SLC24A2: variants seen among roughly 807,000 people sequenced by gnomAD.
SLC24A2 encodes solute carrier family 24 member 2, also known as sodium/potassium/calcium exchanger 2.
Under a neutral mutation model 62.0 loss-of-function variants are expected in SLC24A2, and 36 were observed. The observed-to-expected ratio is 0.58, with a 90% confidence interval of 0.44 to 0.77. The LOEUF (loss-of-function observed/expected upper bound fraction) is 0.77, where lower values mean the gene tolerates loss of function less well. Ranked by LOEUF, SLC24A2 falls within the 30% of genes least tolerant of loss-of-function variation. SLC24A2 has a pLI of 0.00. For missense variants in SLC24A2, 846 were observed against 817.9 expected (o/e 1.03, Z -0.42); for synonymous variants, 358 against 294.0 (o/e 1.22, Z -2.23).
At chr9:19,639,069 T>C (rs915977320) in intron 2 of SLC24A2, among the ~76,000 whole-genome samples, 10 of 152,174 alleles carry the variant, frequency 6.6e-5, no homozygotes, top group Admixed American at 4.6e-4. Flanking sequence ...AATTTCTCCA[T>C]GGTCTTATCA....
the SLC24A2 span, among the ~76,000 whole-genome samples, chr9:19,989,056 A>G: frequency 6.6e-6 from 1 of 152,204 alleles, no homozygotes; most frequent in African/African-American, 2.4e-5. Flanking sequence ...GCATACCAAC[A>G]TTGTAAAAAT....
the SLC24A2 span, among the ~76,000 whole-genome samples, chr9:19,873,536 C>CTTTCTTTCTTTCTTTATT: frequency 5.8e-5 from 8 of 137,126 alleles, no homozygotes; most frequent in Non-Finnish European, 9.2e-5. Flanking sequence ...TCCTTTCTTT[C>CTTTCTTTCTTTCTTTATT]TCTTTCTTTC....
the SLC24A2 span, among the ~76,000 whole-genome samples, chr9:20,002,832 G>A: frequency 3.9e-5 from 6 of 152,316 alleles, no homozygotes; most frequent in African/African-American, 7.2e-5. Flanking sequence ...AGCAGGGCTG[G>A]CTGTATTCCA....
At chr9:19,965,447 T>C in the SLC24A2 span, among the ~76,000 whole-genome samples, 1 of 152,188 alleles carries the variant, frequency 6.6e-6, no homozygotes. Context: ...AATGTTTTAA[T>C]ATTTCAACAA....
At chr9:19,576,369 A>C (rs925875128) in intron 6 of SLC24A2, among the ~76,000 whole-genome samples, 1 of 152,216 alleles carries the variant, frequency 6.6e-6, no homozygotes, top group African/African-American at 2.4e-5. Flanking sequence ...GCTCTGCAAA[A>C]GTCAGTGGAA....
chr9:20,290,643 T>C, the SLC24A2 span, among the ~76,000 whole-genome samples: 1 of 152,238 alleles, frequency 6.6e-6, no homozygotes, highest in African/African-American at 2.4e-5. Context: ...AGGTTTTTGC[T>C]GCAGGGTGAG....
chr9:20,106,467 G>A, the SLC24A2 span, among the ~76,000 whole-genome samples: 12 of 152,240 alleles, frequency 7.9e-5, no homozygotes, highest in African/African-American at 1.9e-4. Flanking sequence ...CTGGCAAACC[G>A]AATCCAGCAG....
the SLC24A2 span, among the ~76,000 whole-genome samples, chr9:19,964,980 T>C: frequency 6.6e-6 from 1 of 152,062 alleles, no homozygotes; most frequent in Non-Finnish European, 1.5e-5. Flanking sequence ...GTCTTCCCCA[T>C]GGAGTTCAAG....
At chr9:19,709,069 A>G (rs1820628214) in intron 2 of SLC24A2, among the ~76,000 whole-genome samples, 1 of 152,226 alleles carries the variant, frequency 6.6e-6, no homozygotes, top group Non-Finnish European at 1.5e-5. Flanking sequence ...GAAAAAAACA[A>G]ACAACCCATC....
the SLC24A2 span, among the ~76,000 whole-genome samples, chr9:19,948,456 A>T: frequency 1.3e-5 from 2 of 152,252 alleles, no homozygotes; most frequent in African/African-American, 2.4e-5. Flanking sequence ...GTTAGAGAAA[A>T]ACGAAAATTT....
At chr9:19,907,668 C>T in the SLC24A2 span, among the ~76,000 whole-genome samples, 201 of 152,276 alleles carry the variant, frequency 1.3e-3, 5 homozygotes, top group Non-Finnish European at 1.1e-3. Context: ...TCAAAAATCA[C>T]AAGCATTCGT....
At chr9:19,719,033 G>C (rs1820947890) in intron 2 of SLC24A2, among the ~76,000 whole-genome samples, 1 of 152,156 alleles carries the variant, frequency 6.6e-6, no homozygotes, top group African/African-American at 2.4e-5. Context: ...TTTGTAAAAG[G>C]AGTCTCAGTC....
the SLC24A2 span, among the ~76,000 whole-genome samples, chr9:20,041,049 C>T: frequency 1.3e-5 from 2 of 152,172 alleles, no homozygotes; most frequent in African/African-American, 4.8e-5. Flanking sequence ...TTTAGGACAT[C>T]GACTTTCTTT....
the SLC24A2 span, among the ~76,000 whole-genome samples, chr9:20,171,674 C>G: frequency 6.6e-6 from 1 of 151,838 alleles, no homozygotes; most frequent in Non-Finnish European, 1.5e-5. Flanking sequence ...TATCAAAATC[C>G]TAACTATATA....
the SLC24A2 span, among the ~76,000 whole-genome samples, chr9:20,105,363 A>G: frequency 6.6e-6 from 1 of 152,194 alleles, no homozygotes; most frequent in Admixed American, 6.5e-5. Context: ...AGACATCTAC[A>G]GAACTCTCCA....
At chr9:19,989,716 A>T in the SLC24A2 span, among the ~76,000 whole-genome samples, 4 of 152,224 alleles carry the variant, frequency 2.6e-5, no homozygotes, top group Non-Finnish European at 5.9e-5. Flanking sequence ...CTAGACAACT[A>T]CATGGGTCAA....
At chr9:19,826,173 CA>C in the SLC24A2 span, among the ~76,000 whole-genome samples, 11,873 of 110,200 alleles carry the variant, frequency 0.11, 682 homozygotes, top group African/African-American at 0.24. Context: ...TGATGCATTG[CA>C]AAAAAAAAAA....
At chr9:20,218,918 G>T in the SLC24A2 span, among the ~76,000 whole-genome samples, 3 of 152,074 alleles carry the variant, frequency 2.0e-5, no homozygotes, top group East Asian at 3.9e-4. Context: ...CAGAGTCATT[G>T]GGAACCCAAG....
At chr9:20,068,057 CTTTTTTTTT>C in the SLC24A2 span, among the ~76,000 whole-genome samples, 1 of 89,742 alleles carries the variant, frequency 1.1e-5, no homozygotes, top group Non-Finnish European at 2.1e-5. Flanking sequence ...TTTTTTGACT[CTTTTTTTTT>C]TTTTTTTTTT....
Sources: allele counts gnomAD v4.1 joint callset (sites outside exome capture counted in the v4.1 genomes callset), GRCh38; gene constraint gnomAD v4.1.1; transcripts MANE v1.5; gene names NCBI Gene and HGNC (gene_info 2026-07-23, HGNC 2026-07-21).